COL11A1: variants seen among roughly 807,000 people sequenced by gnomAD.
COL11A1 encodes collagen alpha-1(XI) chain.
In COL11A1, 74 loss-of-function variants were observed where a neutral mutation model predicts 265.2. That is an observed-to-expected ratio of 0.28 (90% CI 0.23 to 0.34). COL11A1 has a LOEUF of 0.34. Among genes scored for constraint, COL11A1 ranks in the 10% least tolerant of loss-of-function variants. The probability of loss-of-function intolerance (pLI) is 1.00; values close to 1 mark genes in which losing one functional copy is unlikely to be tolerated. For missense variants in COL11A1, 2,165 were observed against 2,263.6 expected (o/e 0.96, Z 0.88); for synonymous variants, 816 against 727.6 (o/e 1.12, Z -1.96).
intron 15 of COL11A1, among the ~76,000 whole-genome samples, chr1:103,007,908 T>C (rs1476808973): frequency 4.1e-5 from 6 of 146,876 alleles, no homozygotes; most frequent in Non-Finnish European, 9.0e-5. Context: ...GGTTAAAGAG[T>C]ATGTAGCTTT....
At chr1:102,975,453 A>G (rs537124404) in intron 35 of COL11A1, among the ~76,000 whole-genome samples, 2 of 152,242 alleles carry the variant, frequency 1.3e-5, no homozygotes, top group African/African-American at 4.8e-5. Flanking sequence ...TTACTCATGT[A>G]TAAATTTCTT....
intron 15 of COL11A1, among the ~76,000 whole-genome samples, chr1:103,007,981 A>G (rs11164655): frequency 6.6e-6 from 1 of 151,608 alleles, no homozygotes; most frequent in Admixed American, 6.6e-5. Context: ...AACAGTACAA[A>G]TTTTTTTTTA....
chr1:103,005,070 C>G (rs1010385682), intron 18 of COL11A1, among the ~76,000 whole-genome samples: 5 of 151,960 alleles, frequency 3.3e-5, no homozygotes, highest in African/African-American at 1.2e-4. Flanking sequence ...ATCAGCATAA[C>G]TCAGGTGACT....
At chr1:103,008,938 CT>C (rs1328641790) in intron 14 of COL11A1, among the ~76,000 whole-genome samples, 1 of 152,170 alleles carries the variant, frequency 6.6e-6, no homozygotes, top group Non-Finnish European at 1.5e-5. Context: ...CAAAATGTTA[CT>C]GCTTTTATAT....
intron 50 of COL11A1, 44 bp downstream of exon 50, chr1:102,915,587 C>A (rs1655242488): frequency 6.4e-7 from 1 of 1,550,644 alleles, no homozygotes; most frequent in African/African-American, 1.4e-5. Flanking sequence ...AAAAGAAATT[C>A]CCAAACCAAT....
chr1:102,918,596 C>T lies in COL11A1; in HGVS notation c.3762+1715G>A, dbSNP rs565995865. 5.8e-4 allele frequency among the ~76,000 whole-genome samples: 88 copies of T among 150,874 alleles called. No individual in the cohort carries two copies. In the South Asian group the frequency reaches 0.017, roughly 30 times the overall value. ...AACATCAACAACAACAAAAAACAAACAAACAAACAAAAAAATGAAGGTTAG... is the reference window on the plus strand; with the variant it reads ...AACATCAACAACAACAAAAAACAAATAAACAAACAAAAAAATGAAGGTTAG... On this transcript the variant is annotated intron_variant, in intron 49 of 66. Coordinates refer to ENST00000370096, the MANE Select transcript of COL11A1 (RefSeq NM_001854.4).
chr1:102,969,020 T>C (rs539266545), intron 37 of COL11A1, among the ~76,000 whole-genome samples: 2 of 152,338 alleles, frequency 1.3e-5, no homozygotes, highest in East Asian at 3.9e-4. Context: ...TGAATGATAA[T>C]GCATTTGCAA....
At chr1:102,965,084 A>C (rs1233733072) in intron 38 of COL11A1, among the ~76,000 whole-genome samples, 2 of 152,194 alleles carry the variant, frequency 1.3e-5, no homozygotes, top group African/African-American at 4.8e-5. Context: ...TAGAATGTAT[A>C]TTTCTAAATC....
intron 9 of COL11A1, among the ~76,000 whole-genome samples, chr1:103,019,498 A>G (rs1473362107): frequency 6.6e-6 from 1 of 152,180 alleles, no homozygotes; most frequent in Non-Finnish European, 1.5e-5. Flanking sequence ...TCTGAAAAAA[A>G]TATTTTCAAC....
Position 103,082,832 on chromosome 1 carries a change from T to A in COL11A1, c.247A>T (p.Ser83Cys). 6.2e-7 allele frequency: 1 copy of A among 1,613,580 alleles called. No individual in the cohort carries two copies. Among genetic ancestry groups the A allele is most frequent in the Non-Finnish European group, 8.5e-7 (1 of 1,179,600 alleles). Residue 83 changes from serine (S) to cysteine (C), a missense_variant, in exon 2 of 67, where the codon AGT becomes TGT. Physicochemically the swap from Ser to Cys is moderately radical, Grantham distance 112 (BLOSUM62 -1). Coordinates refer to ENST00000370096, the MANE Select transcript of COL11A1 (RefSeq NM_001854.4). The part of the protein sequence containing the change: ...AYRVSKQAQL[S>C]APTKQLFPGG... Reference sequence around the variant, plus strand: ...GGAAATAACTGTTTTGTTGGGGCACTGAGTTGTGCTTGCTTTGAAACTCTG... The same window carrying A: ...GGAAATAACTGTTTTGTTGGGGCACAGAGTTGTGCTTGCTTTGAAACTCTG...
intron 28 of COL11A1, among the ~76,000 whole-genome samples, chr1:102,992,593 T>C (rs780639029): frequency 5.3e-5 from 8 of 152,070 alleles, no homozygotes; most frequent in Admixed American, 1.3e-4. Context: ...TCACAGAGTT[T>C]GAAAATATGG....
intron 4 of COL11A1, among the ~76,000 whole-genome samples, chr1:103,054,349 T>A (rs1464019653): frequency 2.6e-5 from 4 of 152,130 alleles, no homozygotes; most frequent in Admixed American, 6.5e-5. Context: ...AACTCAAAGC[T>A]TCCTTGCTTT....
chr1:102,985,971 C>G (rs7532572), intron 30 of COL11A1, among the ~76,000 whole-genome samples: 1 of 151,834 alleles, frequency 6.6e-6, no homozygotes, highest in Non-Finnish European at 1.5e-5. Flanking sequence ...AAGTATGAAA[C>G]CCGATAAGAA....
chr1:103,007,555 A>G (rs1428943150), intron 15 of COL11A1, among the ~76,000 whole-genome samples: 1 of 152,168 alleles, frequency 6.6e-6, no homozygotes, highest in East Asian at 1.9e-4. Flanking sequence ...TTCTAGAAAT[A>G]TAAAATTAAG....
Position 103,022,891 on chromosome 1 carries a change from C to G in COL11A1, c.1096G>C (p.Asp366His), listed in dbSNP as rs773168949. The change falls in exon 8 of 67, where the codon GAC becomes CAC. Residue 366 changes from aspartate (D) to histidine (H), a missense_variant. Transcript: ENST00000370096. The part of the protein sequence containing the change: ...EDTLYENKEI[D>H]GRDSDLLVDG... ...ACCAGAAGATCAGAATCCCTGCCGT[C>G]TATTTCTTTGTTTTCATATAGTGTA... 1 of 1,613,848 alleles carries G rather than the reference C, an allele frequency of 6.2e-7. No individual in the cohort carries two copies. The highest frequency in any genetic ancestry group is 1.3e-5 in the African/African-American group (1 of 75,012).
chr1:103,047,054 T>C (rs1669338729), intron 4 of COL11A1, among the ~76,000 whole-genome samples: 1 of 152,194 alleles, frequency 6.6e-6, no homozygotes, highest in African/African-American at 2.4e-5. Flanking sequence ...CCTCCAGCTT[T>C]GTTATTTTGG....
intron 59 of COL11A1, 86 bp from the exon 60 acceptor site, chr1:102,889,005 G>T: frequency 8.2e-7 from 1 of 1,221,432 alleles, no homozygotes; most frequent in Non-Finnish European, 1.2e-6. Flanking sequence ...TTTCATAACA[G>T]CATACACTGT....
intron 54 of COL11A1, 52 bp from the exon 55 acceptor site, chr1:102,899,046 T>C: frequency 9.5e-7 from 1 of 1,049,668 alleles, no homozygotes; most frequent in East Asian, 2.6e-5. Context: ...AAAGTAATGT[T>C]AATGAGCACT....
At chr1:102,878,472 C>T (rs1463706913) in intron 66 of COL11A1, among the ~76,000 whole-genome samples, 1 of 15,786 alleles carries the variant, frequency 6.3e-5, no homozygotes, top group African/African-American at 1.9e-4. Context: ...GGTATTGAAT[C>T]CTCATATATA....
Sources: allele counts gnomAD v4.1 joint callset (sites outside exome capture counted in the v4.1 genomes callset), GRCh38; gene constraint gnomAD v4.1.1; transcripts MANE v1.5; gene names NCBI Gene and HGNC (gene_info 2026-07-23, HGNC 2026-07-21).